Variants in ARHGAP10 observed in about 807,000 individuals in gnomAD.
The protein encoded by ARHGAP10 is Rho GTPase activating protein 10, also known as rho GTPase-activating protein 10.
In ARHGAP10, 87 loss-of-function variants were observed where a neutral mutation model predicts 108.6. The observed-to-expected ratio is 0.80, with a 90% CI of 0.67 to 0.96. The LOEUF (loss-of-function observed/expected upper bound fraction) is 0.96. Among genes scored for constraint, ARHGAP10 ranks in the 40% least tolerant of loss-of-function variants. ARHGAP10 has a pLI of 0.00. For missense variants in ARHGAP10, 939 were observed against 954.5 expected, an observed-to-expected ratio of 0.98 and a Z score of 0.21; for synonymous variants, 347 against 341.1, an observed-to-expected ratio of 1.02 and a Z score of -0.19.
chr4:147,820,021 G>A (rs1461370032), intron 1 of ARHGAP10, among the ~76,000 whole-genome samples: 1 of 152,156 alleles, frequency 6.6e-6, no homozygotes, highest in African/African-American at 2.4e-5. Context: ...GTGCTATGAA[G>A]GAAATAAGAC....
In ARHGAP10 at chr4:147,832,646, C is replaced by CAAAAAAAAAAA. The variant is rs776184630; in HGVS notation, c.312+9697_312+9707dup. 2.4e-3 allele frequency among the ~76,000 whole-genome samples: 154 copies of CAAAAAAAAAAA among 63,294 alleles called. 6 individuals are homozygous for CAAAAAAAAAAA. Among genetic ancestry groups the CAAAAAAAAAAA allele is most frequent in the East Asian group, 3.0e-3 (5 of 1,664 alleles). 41.5% of individuals were successfully genotyped at this position (63,294 alleles called of 152,430 possible). A position where few individuals can be genotyped will look rare whatever the true frequency, so the allele number is the denominator to read the frequency against. ...TGGGTAACAGAGCAAGACTCTGTCTCAAAAAAAAAAAAAAAAAAGGAAATT... is the reference window on the plus strand; with the variant it reads ...TGGGTAACAGAGCAAGACTCTGTCTCAAAAAAAAAAAAAAAAAAAAAAAAAAAAAGGAAATT... On this transcript the variant is annotated intron_variant, in intron 3 of 22. Transcript: ENST00000336498.
intron 18 of ARHGAP10, among the ~76,000 whole-genome samples, chr4:148,009,265 G>A (rs1164993532): frequency 6.6e-6 from 1 of 151,832 alleles, no homozygotes; most frequent in African/African-American, 2.4e-5. Flanking sequence ...CCATGTAGCT[G>A]GGATTACAGG....
chr4:147,741,788 A>ACACACACACACG (rs1181102107), intron 1 of ARHGAP10, among the ~76,000 whole-genome samples: 1 of 20,030 alleles, frequency 5.0e-5, no homozygotes, highest in Non-Finnish European at 1.4e-4. Context: ...ACACACACAC[A>ACACACACACACG]CACGCACACA....
chr4:147,837,855 G>C (rs1273910437), intron 3 of ARHGAP10, among the ~76,000 whole-genome samples: 1 of 151,680 alleles, frequency 6.6e-6, no homozygotes, highest in Non-Finnish European at 1.5e-5. Flanking sequence ...CAGCCCAAAA[G>C]GACTGATGTT....
At chr4:147,874,213 C>T (rs965880930) in intron 7 of ARHGAP10, among the ~76,000 whole-genome samples, 4 of 152,146 alleles carry the variant, frequency 2.6e-5, no homozygotes, top group African/African-American at 9.7e-5. Context: ...GTCTCAGTTC[C>T]TCCACAGTTT....
At chr4:147,784,012 T>C (rs1730691460) in intron 1 of ARHGAP10, among the ~76,000 whole-genome samples, 1 of 138,694 alleles carries the variant, frequency 7.2e-6, no homozygotes, top group Non-Finnish European at 1.5e-5. Context: ...ATTAAATTAT[T>C]ATATAATTAT....
At chr4:147,949,373 C>T (rs1738509494) in intron 15 of ARHGAP10, among the ~76,000 whole-genome samples, 1 of 152,170 alleles carries the variant, frequency 6.6e-6, no homozygotes, top group South Asian at 2.1e-4. Context: ...ACTGCAGTAT[C>T]CCCAGCAACT....
chr4:147,903,641 A>G (rs1010334322), intron 10 of ARHGAP10, among the ~76,000 whole-genome samples: 1 of 152,106 alleles, frequency 6.6e-6, no homozygotes, highest in Non-Finnish European at 1.5e-5. Context: ...CCTGGCAACC[A>G]GTGATCTTTT....
At chr4:147,843,244 C>T (rs1367653702) in intron 3 of ARHGAP10, among the ~76,000 whole-genome samples, 1 of 152,220 alleles carries the variant, frequency 6.6e-6, no homozygotes, top group Non-Finnish European at 1.5e-5. Flanking sequence ...GGATTCTTCA[C>T]ATGGGCATTT....
intron 1 of ARHGAP10, among the ~76,000 whole-genome samples, chr4:147,789,548 A>C (rs1477029544): frequency 6.6e-6 from 1 of 152,248 alleles, no homozygotes; most frequent in African/African-American, 2.4e-5. Context: ...TGCTGATTAC[A>C]GGCGTGAGCC....
At chr4:147,956,896 C>CAGTGTG (rs1394433701) in intron 16 of ARHGAP10, among the ~76,000 whole-genome samples, 1 of 152,032 alleles carries the variant, frequency 6.6e-6, no homozygotes, top group Non-Finnish European at 1.5e-5. Flanking sequence ...ATTTGAATAT[C>CAGTGTG]AGTGTGTTTT....
At chr4:147,977,001 A>T (rs993805691) in intron 18 of ARHGAP10, among the ~76,000 whole-genome samples, 10 of 152,190 alleles carry the variant, frequency 6.6e-5, no homozygotes, top group Non-Finnish European at 1.3e-4. Context: ...TAATGAGAAC[A>T]TGTTCATGTT....
chr4:147,812,743 T>C (rs1397792080), intron 1 of ARHGAP10, among the ~76,000 whole-genome samples: 2 of 152,190 alleles, frequency 1.3e-5, no homozygotes, highest in Non-Finnish European at 2.9e-5. Flanking sequence ...GCAGCATATT[T>C]TGATGGTTTA....
chr4:147,754,669 T>C (rs1460226682), intron 1 of ARHGAP10, among the ~76,000 whole-genome samples: 1 of 152,232 alleles, frequency 6.6e-6, no homozygotes, highest in East Asian at 1.9e-4. Flanking sequence ...GAAATTTTAC[T>C]GTTACACATG....
chr4:147,926,346 G>T (rs1299122064), intron 13 of ARHGAP10, among the ~76,000 whole-genome samples: 2 of 152,140 alleles, frequency 1.3e-5, no homozygotes, highest in Admixed American at 1.3e-4. Context: ...TAGAATATTT[G>T]CAGTGGAAAG....
chr4:147,918,321 G>C lies in ARHGAP10; in HGVS notation c.1228+5182G>C, dbSNP rs557433699. Among the ~76,000 whole-genome samples, 268 of 152,000 alleles carry C rather than the reference G, an allele frequency of 1.8e-3. 2 individuals carry two copies. The highest frequency in any genetic ancestry group is 1.3e-3 in the Non-Finnish European group (91 of 67,996). Reference sequence around the variant, plus strand: ...TGGCTAATTTTTTGTATTTTTAGTAGAGACAGGGTTTCACCGTGTTAGCCA... The same window carrying C: ...TGGCTAATTTTTTGTATTTTTAGTACAGACAGGGTTTCACCGTGTTAGCCA... On this transcript the variant is annotated intron_variant, in intron 13 of 22. Transcript: ENST00000336498.
chr4:147,993,375 T>C lies in ARHGAP10; in HGVS notation c.1716+26536T>C, dbSNP rs1173137447. 2.6e-5 allele frequency among the ~76,000 whole-genome samples: 4 copies of C among 152,254 alleles called. No homozygotes were observed. The East Asian group carries it at 7.7e-4, about 29-fold the overall frequency. ...TGATGATGTATGTAGGAGTTCATTA[T>C]ATTATTCTTTTTCCTTACATTTATG... On this transcript the variant is annotated intron_variant, in intron 18 of 22. Transcript: ENST00000336498.
chr4:147,855,467 G>A (rs1579120727), intron 4 of ARHGAP10, among the ~76,000 whole-genome samples: 1 of 151,978 alleles, frequency 6.6e-6, no homozygotes, highest in Non-Finnish European at 1.5e-5. Flanking sequence ...AACCTAGAGC[G>A]TAAAGAAAAA....
chr4:147,824,665 G>T (rs934848467), intron 3 of ARHGAP10, among the ~76,000 whole-genome samples: 14 of 152,290 alleles, frequency 9.2e-5, no homozygotes, highest in African/African-American at 3.4e-4. Context: ...TTGAGTGCAG[G>T]CAGGGGAAAT....
Sources: allele counts gnomAD v4.1 joint callset (sites outside exome capture counted in the v4.1 genomes callset), GRCh38; gene constraint gnomAD v4.1.1; transcripts MANE v1.5; gene names NCBI Gene and HGNC (gene_info 2026-07-23, HGNC 2026-07-21).